Variants in PAMR1 observed in about 807,000 individuals in gnomAD.
PAMR1 encodes inactive serine protease PAMR1.
Under a neutral mutation model 81.8 loss-of-function variants are expected in PAMR1, and 88 were observed. The ratio of observed to expected loss-of-function variants is 1.08; its 90% CI spans 0.91 to 1.28. PAMR1 has a LOEUF of 1.28. PAMR1 is among the 50% of genes most tolerant of loss of function. The pLI, the probability that PAMR1 is intolerant of heterozygous loss-of-function variation, is 0.00. For synonymous variants in PAMR1, 336 were observed against 345.3 expected, an observed-to-expected ratio of 0.97 and a Z score of 0.30; for missense variants, 935 against 919.7, an observed-to-expected ratio of 1.02 and a Z score of -0.21.
intron 8 of PAMR1, among the ~76,000 whole-genome samples, chr11:35,436,998 T>C (rs1030634913): frequency 6.6e-6 from 1 of 152,234 alleles, no homozygotes; most frequent in African/African-American, 2.4e-5. Context: ...TAGCTTGATT[T>C]AGCAATTAGC....
chr11:35,482,736 T>C (rs1350768831), intron 3 of PAMR1, among the ~76,000 whole-genome samples: 1 of 152,202 alleles, frequency 6.6e-6, no homozygotes, highest in African/African-American at 2.4e-5. Flanking sequence ...TAGTTCTCTT[T>C]AAGAGGTAGT....
chr11:35,478,850 G>A (rs1850329853), intron 3 of PAMR1, among the ~76,000 whole-genome samples: 1 of 152,156 alleles, frequency 6.6e-6, no homozygotes, highest in South Asian at 2.1e-4. Flanking sequence ...GTGTGTGTGT[G>A]TGTGTGTCTG....
intron 6 of PAMR1, among the ~76,000 whole-genome samples, chr11:35,464,709 A>C (rs1336773597): frequency 6.6e-6 from 1 of 152,166 alleles, no homozygotes; most frequent in African/African-American, 2.4e-5. Flanking sequence ...AATATCCTCC[A>C]AGTTCTTACA....
At position 35,434,547 on chromosome 11, in the gene PAMR1, C is replaced by T; in HGVS notation, c.1591G>A (p.Asp531Asn). The T allele has an allele frequency of 6.2e-7, 1 of 1,614,058 alleles. No individual in the cohort carries two copies. ...TGGATGGTCTTCTCATCCCGGTCAT[C>T]ATCCCGGTAGAATTTCCCCAAAACA... ...KVVLGKFYRD[D>N]DRDEKTIQSL... Residue 531 changes from aspartate to asparagine, a missense_variant, in exon 10 of 11, where the codon GAT becomes AAT. By Grantham distance (23) the Asp-to-Asn change is conservative. Transcript: ENST00000619888.
chr11:35,503,642 G>A (rs970255413), intron 1 of PAMR1, among the ~76,000 whole-genome samples: 1 of 151,986 alleles, frequency 6.6e-6, no homozygotes, highest in Non-Finnish European at 1.5e-5. Flanking sequence ...GCTATTGTAA[G>A]TGGGTTACTT....
At chr11:35,524,121 A>T (rs1803024307) in intron 1 of PAMR1, among the ~76,000 whole-genome samples, 1 of 152,036 alleles carries the variant, frequency 6.6e-6, no homozygotes, top group Non-Finnish European at 1.5e-5. Flanking sequence ...GGCGAAGATG[A>T]AGTAGGGAGG....
At chr11:35,489,255 C>T (rs1850571268) in intron 3 of PAMR1, among the ~76,000 whole-genome samples, 1 of 152,188 alleles carries the variant, frequency 6.6e-6, no homozygotes, top group Non-Finnish European at 1.5e-5. Context: ...GTGGAACTCA[C>T]CTTCTTTCCC....
At position 35,525,574 on chromosome 11, in the gene PAMR1, A is replaced by G; in HGVS notation, c.12T>C (p.Gly4=). The G allele has an allele frequency of 6.2e-7, 1 of 1,613,850 alleles. No homozygotes were observed. The highest frequency in any genetic ancestry group is 1.3e-5 in the African/African-American group (1 of 75,024). The part of the protein sequence containing the change: MEL[G]CWTQLGLTFL... ...AAGTGAGCCCCAACTGCGTCCAGCA[A>G]CCCAGCTCCATCCTTGCCGCGGCTG... is the stretch of plus-strand genomic sequence containing the variant. Residue 4 remains glycine (G), a synonymous_variant, in exon 1 of 11, where the codon GGT becomes GGC. Transcript: ENST00000619888.
chr11:35,487,188 T>C (rs1009473127), intron 3 of PAMR1, among the ~76,000 whole-genome samples: 6 of 151,068 alleles, frequency 4.0e-5, no homozygotes, highest in Non-Finnish European at 5.9e-5. Flanking sequence ...GAACAAACAT[T>C]TGTCCTTTGA....
chr11:35,437,343 G>T (rs1234712450), intron 8 of PAMR1, among the ~76,000 whole-genome samples: 25 of 152,218 alleles, frequency 1.6e-4, no homozygotes, highest in Admixed American at 1.6e-3. Flanking sequence ...GGTACCCAAG[G>T]CAGTGCTTAC....
chr11:35,456,776 G>A (rs1292383968), intron 6 of PAMR1, among the ~76,000 whole-genome samples: 1 of 152,174 alleles, frequency 6.6e-6, no homozygotes, highest in Non-Finnish European at 1.5e-5. Flanking sequence ...CCTCTGGGAA[G>A]TATTGTTGGC....
chr11:35,474,680 A>C lies in PAMR1; in HGVS notation c.444T>G (p.Ala148=). 1 of 1,610,836 alleles carries C rather than the reference A, an allele frequency of 6.2e-7. No homozygotes were observed. The highest frequency in any genetic ancestry group is 1.1e-5 in the South Asian group (1 of 90,174). ...QILLESYPLN[A]HCEWTIHAKP... is the part of the protein sequence containing the mutation. Reference sequence around the variant, plus strand: ...TAGCATGAATGGTCCATTCACAGTGAGCATTTAGGGGATAGCTTTCCAACA... The same window carrying C: ...TAGCATGAATGGTCCATTCACAGTGCGCATTTAGGGGATAGCTTTCCAACA... The change falls in exon 4 of 11, where the codon GCT becomes GCG. Residue 148 remains alanine, a synonymous_variant. Transcript: ENST00000619888.
At chr11:35,525,656 C>T (rs1424180268), upstream of PAMR1, 2 of 1,409,574 alleles carry the variant, frequency 1.4e-6, no homozygotes, top group African/African-American at 1.4e-5. Flanking sequence ...CGGGGGCAGG[C>T]GGGTTTTACA....
rs371751636 is a variant in PAMR1, at chr11:35,507,238, G to T, written c.74-12966C>A. Among the ~76,000 whole-genome samples the T allele has an allele frequency of 1.9e-4, 29 of 151,514 alleles. No homozygotes were observed. The South Asian group carries it at 5.2e-3, about 27-fold the overall frequency. On this transcript the variant is annotated intron_variant, in intron 1 of 10. Transcript: ENST00000619888. Reference sequence around the variant, plus strand: ...AATTTTGCATTTTTAGTAGAGATGGGGTTTCTCCATGTGGGTCAGGCTGGT... The same window carrying T: ...AATTTTGCATTTTTAGTAGAGATGGTGTTTCTCCATGTGGGTCAGGCTGGT...
At chr11:35,526,609 C>T (rs1389257714), upstream of PAMR1, among the ~76,000 whole-genome samples, 1 of 152,142 alleles carries the variant, frequency 6.6e-6, no homozygotes, top group Non-Finnish European at 1.5e-5. Flanking sequence ...TTGAGGATTA[C>T]AATAACTCAT....
intron 6 of PAMR1, among the ~76,000 whole-genome samples, chr11:35,442,312 G>A (rs1856187485): frequency 6.6e-6 from 1 of 152,118 alleles, no homozygotes; most frequent in Admixed American, 6.5e-5. Context: ...CTAAGTATTT[G>A]ATATTCATTA....
chr11:35,432,948 G>T, intron 10 of PAMR1, 56 bp from the exon 11 acceptor site: 1 of 1,455,196 alleles, frequency 6.9e-7, no homozygotes, highest in South Asian at 1.4e-5. Context: ...CAGTGGATAA[G>T]AACAGACAAG....
intron 6 of PAMR1, among the ~76,000 whole-genome samples, chr11:35,464,790 C>T (rs1206980861): frequency 6.6e-6 from 1 of 152,176 alleles, no homozygotes; most frequent in Admixed American, 6.5e-5. Context: ...CACCTCTGTA[C>T]TGTTTGATTT....
At chr11:35,527,318 G>A (rs1303805775), upstream of PAMR1, among the ~76,000 whole-genome samples, 1 of 152,144 alleles carries the variant, frequency 6.6e-6, no homozygotes. Context: ...GTAGATCACT[G>A]GAAGAATTTA....
Sources: allele counts gnomAD v4.1 joint callset (sites outside exome capture counted in the v4.1 genomes callset), GRCh38; gene constraint gnomAD v4.1.1; transcripts MANE v1.5; gene names NCBI Gene and HGNC (gene_info 2026-07-23, HGNC 2026-07-21).